PKP4: variants seen among roughly 807,000 people sequenced by gnomAD.
PKP4 encodes the protein plakophilin-4.
A neutral mutation model predicts 145.1 loss-of-function variants in PKP4; 90 were observed. That is an observed-to-expected ratio of 0.62 (90% CI 0.52 to 0.74). The LOEUF is 0.74. Ranked by LOEUF, PKP4 falls within the 30% of genes least tolerant of loss-of-function variation. The pLI, the probability that PKP4 is intolerant of heterozygous loss-of-function variation, is 0.00. For synonymous variants in PKP4, 563 were observed against 577.2 expected, an observed-to-expected ratio of 0.98 and a Z score of 0.35; for missense variants, 1,340 against 1,482.7, an observed-to-expected ratio of 0.90 and a Z score of 1.58.
chr2:158,641,348 A>T (rs2054267363), intron 10 of PKP4, among the ~76,000 whole-genome samples: 1 of 150,084 alleles, frequency 6.7e-6, no homozygotes, highest in African/African-American at 2.4e-5. Flanking sequence ...AAAAAAAATT[A>T]TTAGGTTAAA....
intron 15 of PKP4, among the ~76,000 whole-genome samples, chr2:158,665,127 A>G (rs911505633): frequency 2.6e-5 from 4 of 152,218 alleles, no homozygotes; most frequent in Non-Finnish European, 5.9e-5. Flanking sequence ...GTGGCCACAG[A>G]TGTTATCAAG....
chr2:158,636,399 G>T (rs1222327054), intron 9 of PKP4, among the ~76,000 whole-genome samples: 1 of 152,024 alleles, frequency 6.6e-6, no homozygotes, highest in African/African-American at 2.4e-5. Flanking sequence ...CAGACATCAT[G>T]TGCATTCTTC....
At chr2:158,468,266 A>G (rs1050053590) in intron 1 of PKP4, among the ~76,000 whole-genome samples, 5 of 152,320 alleles carry the variant, frequency 3.3e-5, no homozygotes, top group Admixed American at 6.5e-5. Flanking sequence ...AGAATTTTGT[A>G]AGGTAGATTT....
At chr2:158,550,845 A>C (rs940970118) in intron 2 of PKP4, among the ~76,000 whole-genome samples, 1 of 152,238 alleles carries the variant, frequency 6.6e-6, no homozygotes. Context: ...ATTTGAGAGA[A>C]AGCTTATAAA....
intron 2 of PKP4, among the ~76,000 whole-genome samples, chr2:158,536,241 A>G (rs558918284): frequency 3.3e-5 from 5 of 152,326 alleles, no homozygotes; most frequent in African/African-American, 1.2e-4. Context: ...TAAAAACTTC[A>G]TATTGATCTC....
chr2:158,567,844 G>A (rs1447170418), intron 2 of PKP4, among the ~76,000 whole-genome samples: 1 of 152,214 alleles, frequency 6.6e-6, no homozygotes, highest in Non-Finnish European at 1.5e-5. Context: ...AATGGATTCA[G>A]CCTATGCTAA....
chr2:158,510,255 T>A (rs2041381677), intron 1 of PKP4, among the ~76,000 whole-genome samples: 3 of 152,232 alleles, frequency 2.0e-5, no homozygotes, highest in African/African-American at 7.2e-5. Flanking sequence ...TCTGTAAATG[T>A]AGCAGTATAG....
chr2:158,608,795 T>C (rs922023849), intron 4 of PKP4, among the ~76,000 whole-genome samples: 3 of 136,762 alleles, frequency 2.2e-5, no homozygotes, highest in Non-Finnish European at 3.1e-5. Flanking sequence ...TAAAATCTTA[T>C]TTTCTTTTCT....
intron 2 of PKP4, among the ~76,000 whole-genome samples, chr2:158,540,875 C>G (rs1368572818): frequency 6.6e-6 from 1 of 152,096 alleles, no homozygotes; most frequent in Non-Finnish European, 1.5e-5. Flanking sequence ...ACACTTAAAG[C>G]CAACCATGAC....
At position 158,680,678 on chromosome 2, in the gene PKP4, C is replaced by G. The variant is rs1301957071; in HGVS notation, c.*1C>G. ...AGGGTCCCCAGACTCATGGGTGTAGCATCAAGATGCCCAACAGAGGAACTC... is the reference window on the plus strand; with the variant it reads ...AGGGTCCCCAGACTCATGGGTGTAGGATCAAGATGCCCAACAGAGGAACTC... On this transcript the variant is annotated 3_prime_UTR_variant, in exon 22 of 22. Coordinates refer to ENST00000389759, the MANE Select transcript of PKP4 (RefSeq NM_003628.6). The G allele has an allele frequency of 6.2e-7, 1 of 1,603,446 alleles. No individual in the cohort carries two copies. The highest frequency in any genetic ancestry group is 8.5e-7 in the Non-Finnish European group (1 of 1,175,800).
At chr2:158,656,151 G>A (rs942313482) in intron 11 of PKP4, among the ~76,000 whole-genome samples, 1 of 152,170 alleles carries the variant, frequency 6.6e-6, no homozygotes, top group African/African-American at 2.4e-5. Context: ...TGGGGATCTG[G>A]AGCCTTACGA....
intron 9 of PKP4, among the ~76,000 whole-genome samples, chr2:158,638,182 T>C (rs1397581165): frequency 6.6e-6 from 1 of 152,252 alleles, no homozygotes; most frequent in Non-Finnish European, 1.5e-5. Flanking sequence ...AGTTTCAATA[T>C]ATAAAAGGAA....
intron 2 of PKP4, among the ~76,000 whole-genome samples, chr2:158,549,471 G>A (rs1451455266): frequency 3.3e-5 from 5 of 152,048 alleles, no homozygotes; most frequent in African/African-American, 1.2e-4. Flanking sequence ...TGAGGGACGA[G>A]TGCTTTGGTT....
intron 7 of PKP4, among the ~76,000 whole-genome samples, chr2:158,625,907 T>C (rs1427234671): frequency 1.3e-5 from 2 of 152,222 alleles, no homozygotes; most frequent in Non-Finnish European, 2.9e-5. Flanking sequence ...CCTACTTGAT[T>C]TTGGCATTTT....
At chr2:158,637,147 A>C (rs970962546) in intron 9 of PKP4, among the ~76,000 whole-genome samples, 2 of 152,234 alleles carry the variant, frequency 1.3e-5, no homozygotes, top group Admixed American at 6.5e-5. Flanking sequence ...GTGGCAGAGA[A>C]CTAAATTACT....
intron 1 of PKP4, among the ~76,000 whole-genome samples, chr2:158,516,085 AAATG>A (rs2041919621): frequency 6.6e-6 from 1 of 151,028 alleles, no homozygotes; most frequent in East Asian, 1.9e-4. Flanking sequence ...TCTGGTTAAT[AAATG>A]TTGAGATGTA....
At position 158,634,444 on chromosome 2, in the gene PKP4, T is replaced by G. The variant is rs16843146; in HGVS notation, c.1562+155T>G. ...AATACTTCCAGTTGTATTCCAGCTATATAGGTCATTGAGGTTAATTTCATT... is the reference window on the plus strand; with the variant it reads ...AATACTTCCAGTTGTATTCCAGCTAGATAGGTCATTGAGGTTAATTTCATT... On this transcript the variant is annotated intron_variant, in intron 9 of 21. Transcript: ENST00000389759. Among the ~76,000 whole-genome samples the G allele has an allele frequency of 0.039, 5,865 of 152,318 alleles. 270 individuals carry two copies. The highest frequency in any genetic ancestry group is 0.11 in the African/African-American group (4,546 of 41,544).
At chr2:158,496,202 A>G (rs770399837) in intron 1 of PKP4, among the ~76,000 whole-genome samples, 1 of 152,040 alleles carries the variant, frequency 6.6e-6, no homozygotes, top group Non-Finnish European at 1.5e-5. Context: ...GCTGGTCTGG[A>G]ACTCCTGGCT....
At chr2:158,627,838 G>A (rs1263469073) in intron 7 of PKP4, among the ~76,000 whole-genome samples, 1 of 151,678 alleles carries the variant, frequency 6.6e-6, no homozygotes, top group African/African-American at 2.4e-5. Flanking sequence ...TTGTGGAATT[G>A]CAAATAGAAA....
Sources: allele counts gnomAD v4.1 joint callset (sites outside exome capture counted in the v4.1 genomes callset), GRCh38; gene constraint gnomAD v4.1.1; transcripts MANE v1.5; gene names NCBI Gene and HGNC (gene_info 2026-07-23, HGNC 2026-07-21).